Variants in CDHR1 observed in about 807,000 individuals in gnomAD.
CDHR1 encodes the protein cadherin related family member 1, also known as cadherin-related family member 1.
CDHR1 carries 61 observed loss-of-function variants against 72.1 expected under a neutral mutation model. That is an observed-to-expected ratio of 0.85 (90% CI 0.69 to 1.05). The LOEUF (loss-of-function observed/expected upper bound fraction) is 1.05, where lower values mean the gene tolerates loss of function less well. Among genes scored for constraint, CDHR1 ranks in the 50% least tolerant of loss-of-function variants. CDHR1 has a pLI of 0.00. For missense variants in CDHR1, 1,186 were observed against 1,115.7 expected (o/e 1.06, Z -0.90); for synonymous variants, 470 against 448.1 (o/e 1.05, Z -0.62).
Position 84,217,786 on chromosome 10 carries a change from G to T in CDHR1, c.*3165G>T. On this transcript the variant is annotated 3_prime_UTR_variant, in exon 17 of 17. Coordinates refer to ENST00000623527, the MANE Select transcript of CDHR1 (RefSeq NM_033100.4). ...AAAAAGAGAAGAGAGTGGATCCAGA[G>T]GGGAGTGGAGGACAGGGCAGATGCC... 1.0e-6 allele frequency: 1 copy of T among 985,462 alleles called. No individual in the cohort carries two copies. The highest frequency in any genetic ancestry group is 1.2e-6 in the Non-Finnish European group (1 of 829,960). The allele number at this position is 985,462 out of a possible 1,614,324, so 61.0% of individuals were successfully genotyped here.
chr10:84,203,239 C>A (rs951963540), intron 8 of CDHR1, 116 bp downstream of exon 8: 6 of 1,347,618 alleles, frequency 4.5e-6, no homozygotes, highest in Non-Finnish European at 6.3e-6. Flanking sequence ...GCCCTCCTCA[C>A]ACAGAGGCCA....
rs1454153086 is a variant in CDHR1 at position 84,214,513 on chromosome 10, A to AC, written c.2477dup (p.Pro827AlafsTer17). On this transcript the variant is annotated frameshift_variant, in exon 17 of 17. Coordinates refer to ENST00000623527, the MANE Select transcript of CDHR1 (RefSeq NM_033100.4). LOFTEE classifies it low-confidence loss of function (END_TRUNC). ...GCTCTCTCACTCCGCAGCCGACCCA[A>AC]CCCCCGCCAAAACCCAAAACTATGG... The AC allele has an allele frequency of 3.1e-6, 5 of 1,604,100 alleles. No homozygotes were observed. Among genetic ancestry groups the AC allele is most frequent in the Non-Finnish European group, 3.4e-6 (4 of 1,179,542 alleles).
Position 84,215,363 on chromosome 10 carries a change from G to A in CDHR1, c.*742G>A, listed in dbSNP as rs1474749380. Reference sequence around the variant, plus strand: ...CCCTGAGCCGCAAAATGTCAAAGCTGGAGCTATAGAGGTAGCCCTAAAGGC... The same window carrying A: ...CCCTGAGCCGCAAAATGTCAAAGCTAGAGCTATAGAGGTAGCCCTAAAGGC... On this transcript the variant is annotated 3_prime_UTR_variant, in exon 17 of 17. Coordinates refer to ENST00000623527, the MANE Select transcript of CDHR1 (RefSeq NM_033100.4). 38 of 985,682 alleles carry A rather than the reference G, an allele frequency of 3.9e-5. No individual in the cohort carries two copies. The highest frequency in any genetic ancestry group is 4.7e-5 in the South Asian group (1 of 21,300). 61.1% of individuals were successfully genotyped at this position (985,682 alleles called of 1,614,324 possible).
At position 84,208,201 on chromosome 10, in the gene CDHR1, C is replaced by T. The variant is rs1243892550; in HGVS notation, c.991C>T (p.Pro331Ser). Residue 331 changes from proline (P) to serine (S), a missense_variant, in exon 11 of 17, where the codon CCA (proline) becomes TCA (serine). Pro to Ser is a moderately conservative substitution (Grantham distance 74, BLOSUM62 -1). Transcript: ENST00000623527. ...GACTGAAATGAGCCCTGCGGGGAGCCCAGCTGCCCAGGCCACCGTCCCAGT... is the reference window on the plus strand; with the variant it reads ...GACTGAAATGAGCCCTGCGGGGAGCTCAGCTGCCCAGGCCACCGTCCCAGT... ...QVTEMSPAGSPAAQATVPVTI... is the reference protein window; with the variant it reads ...QVTEMSPAGSSAAQATVPVTI... The T allele has an allele frequency of 5.6e-6, 9 of 1,614,104 alleles. No individual in the cohort carries two copies. Among genetic ancestry groups the T allele is most frequent in the Non-Finnish European group, 7.6e-6 (9 of 1,180,022 alleles).
In CDHR1 at chr10:84,201,827, C is replaced by T. The variant is rs747165743; in HGVS notation, c.546C>T (p.Ala182=). ...YFLQNLHSPF[A]VDRHSGVLRL... ...TATAGAACCTGCACTCCCCATTTGC[C>T]GTGGACCGCCACAGCGGTGTGCTGC... Residue 182 remains alanine, a synonymous_variant, in exon 7 of 17, where the codon GCC becomes GCT. Coordinates refer to ENST00000623527, the MANE Select transcript of CDHR1 (RefSeq NM_033100.4). The T allele has an allele frequency of 1.1e-5, 18 of 1,610,380 alleles. No individual in the cohort carries two copies. Among genetic ancestry groups the T allele is most frequent in the Middle Eastern group, 1.6e-4 (1 of 6,084 alleles).
intron 15 of CDHR1, 125 bp from the exon 16 acceptor site, chr10:84,212,966 C>T (rs1171578568): frequency 3.2e-6 from 4 of 1,257,054 alleles, no homozygotes; most frequent in South Asian, 1.2e-5. Context: ...CAACTCAATC[C>T]TCTCAAAATA....
At chr10:84,204,666 C>G in intron 9 of CDHR1, 61 bp downstream of exon 9, 1 of 1,128,748 alleles carries the variant, frequency 8.9e-7, no homozygotes, top group South Asian at 1.2e-5. Context: ...GAGCAAGGTT[C>G]CTCAACCTCT....
At chr10:84,202,008 T>A in intron 7 of CDHR1, 88 bp downstream of exon 7, 2 of 947,328 alleles carry the variant, frequency 2.1e-6, no homozygotes, top group Non-Finnish European at 3.3e-6. Context: ...TGGGAGCAGT[T>A]TGGAGAGCAG....
intron 1 of CDHR1, among the ~76,000 whole-genome samples, 200 bp downstream of exon 1, chr10:84,195,015 G>C (rs1842002356): frequency 6.6e-6 from 1 of 152,184 alleles, no homozygotes; most frequent in Non-Finnish European, 1.5e-5. Context: ...GGGGAGCTCC[G>C]GGGCGCTTCT....
Position 84,215,729 on chromosome 10 carries a change from C to A in CDHR1, c.*1108C>A, listed in dbSNP as rs554321000. Reference sequence around the variant, plus strand: ...GCCCAGTTCTGTGGGTGCAGCTCTTCCAGAAAGTATTAGGAGCCTCACATC... The same window carrying A: ...GCCCAGTTCTGTGGGTGCAGCTCTTACAGAAAGTATTAGGAGCCTCACATC... On this transcript the variant is annotated 3_prime_UTR_variant, in exon 17 of 17. Coordinates refer to ENST00000623527, the MANE Select transcript of CDHR1 (RefSeq NM_033100.4). 1.1e-5 allele frequency: 11 copies of A among 985,396 alleles called. No individual in the cohort carries two copies. The African/African-American group carries it at 1.9e-4, about 17-fold the overall frequency. The allele number at this position is 985,396 out of a possible 1,614,324, so 61.0% of individuals were successfully genotyped here. A position where few individuals can be genotyped will look rare whatever the true frequency, so the allele number is the denominator to read the frequency against.
At chr10:84,197,719 A>G in intron 3 of CDHR1, 67 bp from the exon 4 acceptor site, 2 of 1,445,202 alleles carry the variant, frequency 1.4e-6, no homozygotes, top group South Asian at 2.3e-5. Context: ...GGAGAGCTCC[A>G]TCCAGCCACA....
chr10:84,208,540 G>C (rs1311822327), intron 11 of CDHR1, among the ~76,000 whole-genome samples, 163 bp downstream of exon 11: 1 of 152,210 alleles, frequency 6.6e-6, no homozygotes, highest in African/African-American at 2.4e-5. Flanking sequence ...AGAGGAGGGA[G>C]AGTAACCAAT....
intron 6 of CDHR1, among the ~76,000 whole-genome samples, chr10:84,201,129 C>T (rs1373758298): frequency 1.3e-5 from 2 of 152,270 alleles, no homozygotes; most frequent in African/African-American, 2.4e-5. Context: ...TCACCACTCC[C>T]GTGACCTTCA....
At chr10:84,198,900 G>A (rs1842072900) in intron 4 of CDHR1, 132 bp from the exon 5 acceptor site, 3 of 680,158 alleles carry the variant, frequency 4.4e-6, no homozygotes, top group Non-Finnish European at 7.7e-6. Context: ...AATAAAAGAA[G>A]GAAGAGAGAG....
rs767547973 is a variant in CDHR1, at chr10:84,211,680, A to C, written c.1518A>C (p.Glu506Asp). The C allele has an allele frequency of 1.2e-6, 2 of 1,614,036 alleles. No homozygotes were observed. Among genetic ancestry groups the C allele is most frequent in the Admixed American group, 1.7e-5 (1 of 59,992 alleles). ...ATCCAGATACAGGACCCTGGGGCGA[A>C]GTGAAATATTCCACCTATGGGACTG... ...AVDPDTGPWG[E>D]VKYSTYGTGA... The change falls in exon 14 of 17, where the codon GAA becomes GAC. Residue 506 changes from glutamate (E) to aspartate (D), a missense_variant. Coordinates refer to ENST00000623527, the MANE Select transcript of CDHR1 (RefSeq NM_033100.4).
At chr10:84,205,688 T>C in intron 9 of CDHR1, 139 bp from the exon 10 acceptor site, 2 of 706,652 alleles carry the variant, frequency 2.8e-6, no homozygotes, top group Non-Finnish European at 5.1e-6. Context: ...TGAGACTGTT[T>C]CCATGTTGAC....
intron 4 of CDHR1, among the ~76,000 whole-genome samples, chr10:84,198,805 A>C (rs1287896908): frequency 6.6e-6 from 1 of 152,242 alleles, no homozygotes; most frequent in Admixed American, 6.5e-5. Context: ...ACTGCAAAAT[A>C]ACACATCATC....
chr10:84,209,523 A>G (rs1811393692), intron 12 of CDHR1, among the ~76,000 whole-genome samples: 1 of 152,188 alleles, frequency 6.6e-6, no homozygotes, highest in African/African-American at 2.4e-5. Flanking sequence ...TTCCTGAAAT[A>G]ACATTGTTCC....
Position 84,194,545 on chromosome 10 carries a change from G to A in CDHR1, c.-216G>A, listed in dbSNP as rs984981744. On this transcript the variant is annotated 5_prime_UTR_variant, in exon 1 of 17. Coordinates refer to ENST00000623527, the MANE Select transcript of CDHR1 (RefSeq NM_033100.4). ...TCGCTCCGCTCTGCGCCGCTAATTG[G>A]TCTCGTCAGGCGGCCGGCAGGAGCA... The A allele has an allele frequency of 2.2e-6, 1 of 451,702 alleles. No homozygotes were observed. Among genetic ancestry groups the A allele is most frequent in the Admixed American group, 4.5e-5 (1 of 22,278 alleles). The allele number at this position is 451,702 out of a possible 1,614,324, so 28.0% of individuals were successfully genotyped here.
Sources: allele counts gnomAD v4.1 joint callset (sites outside exome capture counted in the v4.1 genomes callset), GRCh38; gene constraint gnomAD v4.1.1; transcripts MANE v1.5; gene names NCBI Gene and HGNC (gene_info 2026-07-23, HGNC 2026-07-21).